ZCCHC4: variants seen among roughly 807,000 people sequenced by gnomAD.
ZCCHC4 encodes the protein rRNA N(6)-adenosine-methyltransferase ZCCHC4.
A neutral mutation model predicts 67.7 loss-of-function variants in ZCCHC4; 54 were observed. The ratio of observed to expected loss-of-function variants is 0.80; its 90% CI spans 0.64 to 1.00. The LOEUF is 1.00. Ranked by LOEUF, ZCCHC4 falls within the 50% of genes least tolerant of loss-of-function variation. The pLI is 0.00. For missense variants in ZCCHC4, 609 were observed against 617.0 expected, an observed-to-expected ratio of 0.99 and a Z score of 0.14; for synonymous variants, 198 against 213.5, an observed-to-expected ratio of 0.93 and a Z score of 0.63.
At chr4:25,339,981 G>A (rs1719657096) in intron 5 of ZCCHC4, among the ~76,000 whole-genome samples, 1 of 151,276 alleles carries the variant, frequency 6.6e-6, no homozygotes, top group Non-Finnish European at 1.5e-5. Context: ...CCATTCTCCT[G>A]CCTCAGCCTC....
intron 3 of ZCCHC4, among the ~76,000 whole-genome samples, chr4:25,324,044 G>C (rs1168980333): frequency 7.2e-5 from 1 of 13,804 alleles, no homozygotes; most frequent in African/African-American, 3.1e-4. Flanking sequence ...ACAGAGTCTC[G>C]CTCTGCTGCC....
chr4:25,369,169 C>T lies in ZCCHC4; in HGVS notation c.*5C>T. ...CATCAATATCTTGGCTCTTAAATGT[C>T]CAGTGACTGGAGAATAAGAAAGATT... On this transcript the variant is annotated 3_prime_UTR_variant, in exon 13 of 13. Transcript: ENST00000302874. 2 of 1,608,252 alleles carry T rather than the reference C, an allele frequency of 1.2e-6. No homozygotes were observed. The highest frequency in any genetic ancestry group is 1.7e-6 in the Non-Finnish European group (2 of 1,178,794).
At chr4:25,324,014 G>GTTTTTTTTTTTTTT (rs71188998) in intron 3 of ZCCHC4, among the ~76,000 whole-genome samples, 27,304 of 81,120 alleles carry the variant, frequency 0.34, 8,395 homozygotes, top group Non-Finnish European at 0.41. Flanking sequence ...TGTTTTTTGT[G>GTTTTTTTTTTTTTT]TTTTTTTTTT....
intron 8 of ZCCHC4, among the ~76,000 whole-genome samples, chr4:25,356,483 C>T (rs959922875): frequency 2.0e-5 from 3 of 151,992 alleles, no homozygotes; most frequent in Non-Finnish European, 4.4e-5. Flanking sequence ...TTAGGTTATG[C>T]AAAGTCAAGC....
At chr4:25,368,260 C>G (rs760933224) in intron 12 of ZCCHC4, among the ~76,000 whole-genome samples, 1 of 152,152 alleles carries the variant, frequency 6.6e-6, no homozygotes, top group Non-Finnish European at 1.5e-5. Context: ...TGTTGTAGCT[C>G]TGGCCCCTTC....
chr4:25,341,452 C>G (rs1248979450), intron 5 of ZCCHC4, among the ~76,000 whole-genome samples: 1 of 152,132 alleles, frequency 6.6e-6, no homozygotes, highest in Non-Finnish European at 1.5e-5. Flanking sequence ...GGCACCTGCT[C>G]CTCTCTTTCT....
At position 25,314,784 on chromosome 4, in the gene ZCCHC4, G is replaced by A. The variant is rs182371641; in HGVS notation, c.247-534G>A. Among the ~76,000 whole-genome samples the A allele has an allele frequency of 1.2e-4, 18 of 152,264 alleles. 1 individual carries two copies. The highest frequency in any genetic ancestry group is 1.1e-3 in the Admixed American group (17 of 15,296). On this transcript the variant is annotated intron_variant, in intron 2 of 12. Transcript: ENST00000302874. ...GCACAAACATTCAGTCGATAGCACC[G>A]TTGGCAGATACAGATTGCTCACTAA... is the stretch of plus-strand genomic sequence containing the variant.
At chr4:25,353,241 T>G (rs1206368018) in intron 8 of ZCCHC4, among the ~76,000 whole-genome samples, 1 of 152,206 alleles carries the variant, frequency 6.6e-6, no homozygotes, top group Non-Finnish European at 1.5e-5. Context: ...TTATATAACT[T>G]GCTTAAAATA....
intron 5 of ZCCHC4, among the ~76,000 whole-genome samples, chr4:25,341,785 A>G (rs1474221510): frequency 6.6e-6 from 1 of 152,206 alleles, no homozygotes; most frequent in East Asian, 1.9e-4. Flanking sequence ...ACAACTTAGT[A>G]GTGTTAAGTA....
chr4:25,348,479 C>A (rs781095730), intron 6 of ZCCHC4, among the ~76,000 whole-genome samples: 8 of 151,998 alleles, frequency 5.3e-5, no homozygotes, highest in Non-Finnish European at 1.2e-4. Context: ...AACTGGAGAT[C>A]AAAAATATTT....
intron 12 of ZCCHC4, 113 bp from the exon 13 acceptor site, chr4:25,368,916 A>G: frequency 1.5e-6 from 2 of 1,291,674 alleles, no homozygotes; most frequent in South Asian, 3.2e-5. Context: ...AATACAGTAG[A>G]TTCTTTCCCT....
chr4:25,354,104 A>G (rs73808330), intron 8 of ZCCHC4, among the ~76,000 whole-genome samples: 2,491 of 152,288 alleles, frequency 0.016, 72 homozygotes, highest in African/African-American at 0.056. Context: ...ATCCATATTT[A>G]GAGAGGAGTT....
Position 25,365,052 on chromosome 4 carries a change from GT to G in ZCCHC4, c.1293del (p.Cys431TrpfsTer52). 6.2e-7 allele frequency: 1 copy of G among 1,614,148 alleles called. No individual in the cohort carries two copies. The highest frequency in any genetic ancestry group is 8.5e-7 in the Non-Finnish European group (1 of 1,180,010). ...SWIHCSICNH[C>X]AVPDHSCEGP... The stretch of plus-strand genomic sequence containing the variant: ...ATCCACTGTAGCATCTGCAATCACT[GT>G]GCTGTTCCAGATCATTCTTGTGAGG... On this transcript the variant is annotated frameshift_variant, in exon 12 of 13. Transcript: ENST00000302874. LOFTEE classifies it high-confidence loss of function.
At chr4:25,353,643 A>G (rs1485839082) in intron 8 of ZCCHC4, among the ~76,000 whole-genome samples, 2 of 152,256 alleles carry the variant, frequency 1.3e-5, no homozygotes, top group Non-Finnish European at 2.9e-5. Context: ...TAACTGAGTG[A>G]AATAGCATGA....
chr4:25,336,811 T>G (rs1328161070), intron 5 of ZCCHC4, among the ~76,000 whole-genome samples: 1 of 152,128 alleles, frequency 6.6e-6, no homozygotes, highest in East Asian at 1.9e-4. Context: ...TGAGTGCCTG[T>G]TATATTTCAG....
At chr4:25,334,533 A>G (rs531277447) in intron 5 of ZCCHC4, among the ~76,000 whole-genome samples, 145 of 152,358 alleles carry the variant, frequency 9.5e-4, no homozygotes, top group African/African-American at 3.3e-3. Flanking sequence ...ATTAAATGGC[A>G]TCTGATGATT....
rs985504405 is a variant in ZCCHC4, at chr4:25,352,521, G to A, written c.1011+832G>A. On this transcript the variant is annotated intron_variant, in intron 8 of 12. Transcript: ENST00000302874. ...CTTCCCAGGTTCAAGCGATTCTTCT[G>A]CCTTAGCCTCCTGAGTAGCTGGGAC... The A allele has an allele frequency of 4.9e-5, 23 of 469,534 alleles. No individual in the cohort carries two copies. In the East Asian group the frequency reaches 3.6e-3, roughly 73 times the overall value. 29.1% of individuals were successfully genotyped at this position (469,534 alleles called of 1,614,324 possible). A position where few individuals can be genotyped will look rare whatever the true frequency, so the allele number is the denominator to read the frequency against.
intron 6 of ZCCHC4, among the ~76,000 whole-genome samples, chr4:25,347,463 A>G (rs981592636): frequency 6.6e-6 from 1 of 152,226 alleles, no homozygotes; most frequent in African/African-American, 2.4e-5. Flanking sequence ...CGTCCAGCTC[A>G]GGCTTTCCTT....
At chr4:25,367,129 C>A (rs1042483028) in intron 12 of ZCCHC4, among the ~76,000 whole-genome samples, 7 of 152,102 alleles carry the variant, frequency 4.6e-5, no homozygotes, top group Non-Finnish European at 8.8e-5. Context: ...CCAGCTCATG[C>A]ATTTTACAGC....
Sources: allele counts gnomAD v4.1 joint callset (sites outside exome capture counted in the v4.1 genomes callset), GRCh38; gene constraint gnomAD v4.1.1; transcripts MANE v1.5; gene names NCBI Gene and HGNC (gene_info 2026-07-23, HGNC 2026-07-21).